NOTCH2NLR: variants seen among roughly 807,000 people sequenced by gnomAD.
NOTCH2NLR encodes the protein notch 2 N-terminal like R (pseudogene).
Under a neutral mutation model 35.6 loss-of-function variants are expected in NOTCH2NLR, and 33 were observed. The observed-to-expected ratio is 0.93, with a 90% CI of 0.70 to 1.24. The LOEUF (loss-of-function observed/expected upper bound fraction) is 1.24. NOTCH2NLR is among the 50% of genes most tolerant of loss of function. The pLI is 0.00. For synonymous variants in NOTCH2NLR, 103 were observed against 141.0 expected (o/e 0.73, Z 1.91); for missense variants, 276 against 362.2 (o/e 0.76, Z 1.93).
rs1308421432 is a variant in NOTCH2NLR, at chr1:120,791,317, A to G, written c.416-1844A>G. On this transcript the variant is annotated intron_variant, in intron 3 of 4. Coordinates refer to ENST00000624419, the Ensembl canonical transcript of NOTCH2NLR. ...ACTGGATATATACCCAAAGAATTAT[A>G]AATCGTGCTGCTATAAAGACACATG... Among the ~76,000 whole-genome samples, 52 of 86,036 alleles carry G rather than the reference A, an allele frequency of 6.0e-4. 3 individuals carry two copies. In the South Asian group the frequency reaches 0.014, roughly 23 times the overall value. 56.4% of individuals were successfully genotyped at this position (86,036 alleles called of 152,430 possible).
At chr1:120,760,274 G>GC (rs1196572157) in intron 1 of NOTCH2NLR, among the ~76,000 whole-genome samples, 3 of 71,762 alleles carry the variant, frequency 4.2e-5, no homozygotes, top group Admixed American at 1.5e-4. Context: ...TGCAACCTCC[G>GC]CCCCCCAGGT....
rs1247308407 is a variant in NOTCH2NLR, at chr1:120,728,030, G to C, written c.73+3780G>C. Among the ~76,000 whole-genome samples the C allele has an allele frequency of 2.4e-4, 28 of 118,818 alleles. 8 individuals are homozygous for C. Among genetic ancestry groups the C allele is most frequent in the Admixed American group, 2.1e-3 (26 of 12,578 alleles). The allele number at this position is 118,818 out of a possible 152,430, so 77.9% of individuals were successfully genotyped here. On this transcript the variant is annotated intron_variant, in intron 1 of 4. Transcript: ENST00000624419. The stretch of plus-strand genomic sequence containing the variant: ...TTGTTCATGGTCACAGAGCCAATTA[G>C]AGTTGAGACTAGAATTCCTTTCTTC...
At chr1:120,727,318 G>A (rs1252114658) in intron 1 of NOTCH2NLR, among the ~76,000 whole-genome samples, 1 of 106,592 alleles carries the variant, frequency 9.4e-6, no homozygotes, top group Non-Finnish European at 1.7e-5. Flanking sequence ...TCAGGTGTGT[G>A]TATGAGGTCT....
intron 3 of NOTCH2NLR, 33 bp downstream of exon 3, chr1:120,785,266 A>T: frequency 6.9e-7 from 1 of 1,439,020 alleles, no homozygotes; most frequent in South Asian, 1.2e-5. Context: ...GTGCTTCCCT[A>T]CCTTCAGCAG....
intron 1 of NOTCH2NLR, among the ~76,000 whole-genome samples, chr1:120,728,585 A>G (rs1456120871): frequency 8.5e-6 from 1 of 117,178 alleles, no homozygotes; most frequent in East Asian, 2.1e-4. Flanking sequence ...TTCCTGTATT[A>G]CTGTATTACT....
chr1:120,730,528 G>C (rs1193285059), intron 1 of NOTCH2NLR, among the ~76,000 whole-genome samples: 1 of 99,094 alleles, frequency 1.0e-5, no homozygotes, highest in Non-Finnish European at 1.8e-5. Flanking sequence ...TCATAGGCTT[G>C]AGACGGGACA....
chr1:120,790,140 T>C (rs1651468014), intron 3 of NOTCH2NLR, among the ~76,000 whole-genome samples: 1 of 96,660 alleles, frequency 1.0e-5, no homozygotes. Flanking sequence ...CTCAGCCTCC[T>C]GAGTAGCTGG....
exon 3 of NOTCH2NLR, chr1:120,785,086 T>C (rs1651406357): frequency 6.9e-7 from 1 of 1,446,144 alleles, no homozygotes. Flanking sequence ...GAAAGCCACG[T>C]GCCGGTGTGC....
rs1363171239 is a variant in NOTCH2NLR, at chr1:120,791,206, C to A, written c.416-1955C>A. ...GAAAAACTCTTGTGTCTCCCATTTA[C>A]CTTTCTATGAGGTCAGAGATTTAGA... On this transcript the variant is annotated intron_variant, in intron 3 of 4. Coordinates refer to ENST00000624419, the Ensembl canonical transcript of NOTCH2NLR. Among the ~76,000 whole-genome samples the A allele has an allele frequency of 3.6e-4, 12 of 33,374 alleles. 2 individuals are homozygous for A. The South Asian group carries it at 5.9e-3, about 17-fold the overall frequency. The allele number at this position is 33,374 out of a possible 152,430, so 21.9% of individuals were successfully genotyped here.
intron 1 of NOTCH2NLR, among the ~76,000 whole-genome samples, chr1:120,730,597 A>T (rs1470058985): frequency 8.7e-6 from 1 of 115,412 alleles, no homozygotes; most frequent in Non-Finnish European, 1.6e-5. Flanking sequence ...CTCCTGTCTC[A>T]CTTTTTGGAG....
rs1419557940 is a variant in NOTCH2NLR, at chr1:120,785,156, G to C, written c.338G>C (p.Arg113Pro). The change falls in exon 3 of 5, where the codon CGA becomes CCA. Residue 113 changes from arginine to proline, a missense_variant. Arg to Pro is a moderately radical substitution (Grantham distance 103). Coordinates refer to ENST00000624419, the Ensembl canonical transcript of NOTCH2NLR. ...ACACCTCATCCATGCTTTGTGTCTC[G>C]ACCTTGCCTGAATGGCGGCACATGC... 5 of 1,446,296 alleles carry C rather than the reference G, an allele frequency of 3.5e-6. 2 individuals carry two copies. In the African/African-American group the frequency reaches 1.0e-4, roughly 30 times the overall value. The allele number at this position is 1,446,296 out of a possible 1,614,324, so 89.6% of individuals were successfully genotyped here. A position where few individuals can be genotyped will look rare whatever the true frequency, so the allele number is the denominator to read the frequency against.
In NOTCH2NLR at chr1:120,792,547, G is replaced by T. The variant is rs1450977503; in HGVS notation, c.416-614G>T. Among the ~76,000 whole-genome samples, 2 of 111,774 alleles carry T rather than the reference G, an allele frequency of 1.8e-5. 1 individual carries two copies. Among genetic ancestry groups the T allele is most frequent in the Non-Finnish European group, 3.4e-5 (2 of 58,044 alleles). 73.3% of individuals were successfully genotyped at this position (111,774 alleles called of 152,430 possible). ...AATAGAGTCTTGCTGTGTCGCCCAGGCTGGAGTGCAGTGGTACAATCTCGG... is the reference window on the plus strand; with the variant it reads ...AATAGAGTCTTGCTGTGTCGCCCAGTCTGGAGTGCAGTGGTACAATCTCGG... On this transcript the variant is annotated intron_variant, in intron 3 of 4. Transcript: ENST00000624419.
rs1228309073 is a variant in NOTCH2NLR at position 120,777,901 on chromosome 1, T to C, written c.156-7073T>C. On this transcript the variant is annotated intron_variant, in intron 2 of 4. Coordinates refer to ENST00000624419, the Ensembl canonical transcript of NOTCH2NLR. ...GAGGTACTGAAAGGAGGGAGACCAG[T>C]GAGTTTAGACCAATAGGTGGGTTAG... Among the ~76,000 whole-genome samples the C allele has an allele frequency of 2.0e-5, 2 of 101,074 alleles. 1 individual carries two copies. The highest frequency in any genetic ancestry group is 1.3e-4 in the African/African-American group (2 of 15,418). The allele number at this position is 101,074 out of a possible 152,430, so 66.3% of individuals were successfully genotyped here.
intron 1 of NOTCH2NLR, 113 bp downstream of exon 1, chr1:120,724,363 C>T: frequency 2.2e-6 from 3 of 1,349,242 alleles, no homozygotes; most frequent in Non-Finnish European, 2.9e-6. Context: ...GCCGCCGGCG[C>T]GGAGTGAGGC....
intron 3 of NOTCH2NLR, among the ~76,000 whole-genome samples, chr1:120,789,407 T>G: frequency 1.0e-5 from 1 of 99,510 alleles, no homozygotes; most frequent in Non-Finnish European, 1.8e-5. Flanking sequence ...GACTTACAGT[T>G]CCATATGGCT....
chr1:120,779,607 T>TA (rs1651339936), intron 2 of NOTCH2NLR, among the ~76,000 whole-genome samples: 1 of 121,982 alleles, frequency 8.2e-6, no homozygotes, highest in Admixed American at 8.0e-5. Flanking sequence ...TTTGTGGTTA[T>TA]TTTTTAGAAT....
At chr1:120,792,729 T>C (rs1230213516) in intron 3 of NOTCH2NLR, among the ~76,000 whole-genome samples, 1 of 103,156 alleles carries the variant, frequency 9.7e-6, no homozygotes, top group Non-Finnish European at 1.8e-5. Context: ...CTTGAACTCC[T>C]TACCTCATGA....
intron 1 of NOTCH2NLR, among the ~76,000 whole-genome samples, chr1:120,759,031 TA>T (rs1651105588): frequency 9.2e-6 from 1 of 109,128 alleles, no homozygotes; most frequent in Admixed American, 8.9e-5. Flanking sequence ...ACCTTTCTCT[TA>T]TAGAAATAAG....
chr1:120,752,550 ATATATTTTTT>A (rs1243316531), intron 1 of NOTCH2NLR, among the ~76,000 whole-genome samples: 3 of 9,864 alleles, frequency 3.0e-4, no homozygotes, highest in African/African-American at 1.2e-3. Flanking sequence ...ATATATATAT[ATATATTTTTT>A]TTTTTTTTTT....
Sources: gnomAD v4.1 joint callset for allele counts (sites outside exome capture counted in the v4.1 genomes callset) on GRCh38, gnomAD v4.1.1 for gene constraint, MANE v1.5 for transcripts, NCBI Gene and HGNC (gene_info 2026-07-23, HGNC 2026-07-21) for gene names.